YTHDF2: variants seen among roughly 807,000 people sequenced by gnomAD.
YTHDF2 encodes YTH domain-containing family protein 2.
A neutral mutation model predicts 50.4 loss-of-function variants in YTHDF2; 2 were observed. That is an observed-to-expected ratio of 0.04 (90% CI 0.02 to 0.12). The LOEUF (loss-of-function observed/expected upper bound fraction) is 0.12, where lower values mean the gene tolerates loss of function less well. Ranked by LOEUF, YTHDF2 falls within the 10% of genes least tolerant of loss-of-function variation. YTHDF2 has a pLI of 1.00. For synonymous variants in YTHDF2, 217 were observed against 255.6 expected (o/e 0.85, Z 1.44); for missense variants, 483 against 722.6 (o/e 0.67, Z 3.80).
At position 28,737,693 on chromosome 1, in the gene YTHDF2, C is replaced by T; in HGVS notation, c.52+11C>T. On this transcript the variant is annotated intron_variant, in intron 2 of 4. Transcript: ENST00000373812. The stretch of plus-strand genomic sequence containing the variant: ...GTCAAGGAAACAAAGGTAAGTCCCG[C>T]TCCGCCGGTGGCCCTGAGCCGGGAG... The T allele has an allele frequency of 1.2e-6, 2 of 1,613,716 alleles. No individual in the cohort carries two copies. The highest frequency in any genetic ancestry group is 1.7e-6 in the Non-Finnish European group (2 of 1,179,834).
chr1:28,743,554 G>A lies in YTHDF2; in HGVS notation c.1284G>A (p.Lys428=), dbSNP rs1557541268. The change falls in exon 4 of 5, where the codon AAG becomes AAA. Residue 428 remains lysine, a synonymous_variant. Coordinates refer to ENST00000373812, the MANE Select transcript of YTHDF2 (RefSeq NM_016258.3). The surrounding 1 kb of genome is among the most constrained non-coding windows in gnomAD (Gnocchi z 6.9). ...YSEDDIHRSI[K]YNIWCSTEHG... is the part of the protein sequence containing the mutation. ...AGGACGATATTCACCGTTCCATTAAGTATAATATTTGGTGCAGCACAGAGC... is the reference window on the plus strand; with the variant it reads ...AGGACGATATTCACCGTTCCATTAAATATAATATTTGGTGCAGCACAGAGC... 1 of 1,614,188 alleles carries A rather than the reference G, an allele frequency of 6.2e-7. No homozygotes were observed. The highest frequency in any genetic ancestry group is 8.5e-7 in the Non-Finnish European group (1 of 1,180,044).
rs1157043421 is a variant in YTHDF2 at position 28,737,449 on chromosome 1, T to C, written c.28-209T>C. On this transcript the variant is annotated intron_variant, in intron 1 of 4. Coordinates refer to ENST00000373812, the MANE Select transcript of YTHDF2 (RefSeq NM_016258.3). The stretch of plus-strand genomic sequence containing the variant: ...AGCCCTGGGTTCCTCGCGTCGCCGG[T>C]GGCGCGTCTGCCGCGTTTTCTCCCC... 4.4e-6 allele frequency: 3 copies of C among 687,036 alleles called. No individual in the cohort carries two copies. The East Asian group carries it at 9.3e-5, about 21-fold the overall frequency. 42.6% of individuals were successfully genotyped at this position (687,036 alleles called of 1,614,324 possible).
chr1:28,765,652 A>C (rs945019262), intron 4 of YTHDF2, among the ~76,000 whole-genome samples: 1 of 151,920 alleles, frequency 6.6e-6, no homozygotes, highest in African/African-American at 2.4e-5. Context: ...GGGTCTCACT[A>C]TGTTGCCCAA....
At chr1:28,765,295 C>T (rs142591994) in intron 4 of YTHDF2, among the ~76,000 whole-genome samples, 3,689 of 152,248 alleles carry the variant, frequency 0.024, 66 homozygotes, top group Middle Eastern at 0.044. Context: ...CCACCACACC[C>T]AGCCTGTAAT....
rs57343875 is a variant in YTHDF2 at position 28,742,060 on chromosome 1, T to TTTTTC, written c.133-343_133-342insTTTTC. Among the ~76,000 whole-genome samples, 103 of 151,962 alleles carry TTTTTC rather than the reference T, an allele frequency of 6.8e-4. 1 individual carries two copies. The highest frequency in any genetic ancestry group is 2.0e-3 in the African/African-American group (82 of 41,444). On this transcript the variant is annotated intron_variant, in intron 3 of 4. Transcript: ENST00000373812. ...ATGTGCTGCACACTTTTTTTTTTTT[T>TTTTTC]CCTGGAGATGGAGTTTCACTCTTGT... is the stretch of plus-strand genomic sequence containing the variant.
chr1:28,736,917 G>A (rs899241925), upstream of YTHDF2: 9 of 590,074 alleles, frequency 1.5e-5, no homozygotes, highest in Non-Finnish European at 2.6e-5. Context: ...AAAGCATAGA[G>A]ACGGGCATTG....
chr1:28,749,187 T>G (rs1366740465), intron 4 of YTHDF2, among the ~76,000 whole-genome samples: 4 of 145,662 alleles, frequency 2.7e-5, no homozygotes, highest in Non-Finnish European at 4.5e-5. Context: ...TCCTTTTTTT[T>G]TTTTTTTTTT....
chr1:28,765,560 A>G (rs1364263122), intron 4 of YTHDF2, among the ~76,000 whole-genome samples: 1 of 151,750 alleles, frequency 6.6e-6, no homozygotes, highest in African/African-American at 2.4e-5. Context: ...CAAGTAGCTA[A>G]TCCAAGTAGC....
At chr1:28,737,202 C>A in intron 1 of YTHDF2, 55 bp downstream of exon 1, 1 of 1,512,374 alleles carries the variant, frequency 6.6e-7, no homozygotes, top group Non-Finnish European at 8.9e-7. Flanking sequence ...AGGAGCCCGA[C>A]TAGGCCCGGG....
chr1:28,753,922 G>T (rs2087998100), intron 4 of YTHDF2, among the ~76,000 whole-genome samples: 1 of 151,964 alleles, frequency 6.6e-6, no homozygotes, highest in Non-Finnish European at 1.5e-5. Flanking sequence ...GGCTAGGCTG[G>T]TCTCAAACTC....
chr1:28,748,825 C>T (rs2087904665), intron 4 of YTHDF2, among the ~76,000 whole-genome samples: 1 of 152,154 alleles, frequency 6.6e-6, no homozygotes, highest in Admixed American at 6.6e-5. Flanking sequence ...TTGTTGGCTT[C>T]ATAGTATTGT....
At chr1:28,763,090 G>A (rs1398506719) in intron 4 of YTHDF2, among the ~76,000 whole-genome samples, 1 of 152,054 alleles carries the variant, frequency 6.6e-6, no homozygotes, top group Non-Finnish European at 1.5e-5. Context: ...GCCTCCCAAA[G>A]TGCTGGCATT....
chr1:28,768,584 G>T (rs1227086444), intron 4 of YTHDF2, among the ~76,000 whole-genome samples: 1 of 152,106 alleles, frequency 6.6e-6, no homozygotes, highest in Non-Finnish European at 1.5e-5. Flanking sequence ...AGTGTACTAT[G>T]TATGTATGTA....
In YTHDF2 at chr1:28,738,198, A is replaced by G. The variant is rs372090255; in HGVS notation, c.53-61A>G. 33 of 1,364,062 alleles carry G rather than the reference A, an allele frequency of 2.4e-5. No individual in the cohort carries two copies. The African/African-American group carries it at 4.2e-4, about 17-fold the overall frequency. The allele number at this position is 1,364,062 out of a possible 1,614,324, so 84.5% of individuals were successfully genotyped here. ...GTTTTTCTCTGGTTAGCATATATGA[A>G]CTAATTTGAAAGGAAGATTGTAGGA... On this transcript the variant is annotated intron_variant, in intron 2 of 4. Coordinates refer to ENST00000373812, the MANE Select transcript of YTHDF2 (RefSeq NM_016258.3).
intron 4 of YTHDF2, among the ~76,000 whole-genome samples, chr1:28,756,386 A>G (rs2088036168): frequency 1.3e-5 from 2 of 152,204 alleles, no homozygotes; most frequent in Admixed American, 6.6e-5. Flanking sequence ...TAAACCAAGA[A>G]TCACTCAAGT....
chr1:28,737,885 G>T, intron 2 of YTHDF2: 3 of 623,526 alleles, frequency 4.8e-6, no homozygotes, highest in Admixed American at 3.0e-5. Context: ...AATTCATTAA[G>T]GGTGGGGGTG....
chr1:28,761,240 A>T (rs935360273), intron 4 of YTHDF2, among the ~76,000 whole-genome samples: 1 of 148,532 alleles, frequency 6.7e-6, no homozygotes, highest in Admixed American at 6.9e-5. Context: ...GCTTAAGCAT[A>T]CTTTTTCTTG....
At chr1:28,749,968 T>G (rs2124181911) in intron 4 of YTHDF2, among the ~76,000 whole-genome samples, 1 of 147,228 alleles carries the variant, frequency 6.8e-6, no homozygotes. Flanking sequence ...GCTATTGAAA[T>G]TTTTGAAAAA....
intron 4 of YTHDF2, among the ~76,000 whole-genome samples, chr1:28,748,386 C>G (rs1421123353): frequency 6.6e-6 from 1 of 152,016 alleles, no homozygotes; most frequent in East Asian, 1.9e-4. Flanking sequence ...TGTGTGTGTA[C>G]CTTTGTAGTA....
Sources: gnomAD v4.1 joint callset for allele counts (sites outside exome capture counted in the v4.1 genomes callset) on GRCh38, gnomAD v4.1.1 for gene constraint, Gnocchi (gnomAD v3.1) non-coding constraint, MANE v1.5 for transcripts, NCBI Gene and HGNC (gene_info 2026-07-23, HGNC 2026-07-21) for gene names.